Variants in QRICH2 observed in about 807,000 individuals in gnomAD.
The protein encoded by QRICH2 is glutamine-rich protein 2.
A neutral mutation model predicts 168.3 loss-of-function variants in QRICH2; 119 were observed. That is an observed-to-expected ratio of 0.71 (90% CI 0.61 to 0.82). QRICH2 has a LOEUF of 0.82. QRICH2 is among the 40% of genes least tolerant of loss of function. The probability of loss-of-function intolerance (pLI) is 0.00; values close to 1 mark genes in which losing one functional copy is unlikely to be tolerated. For synonymous variants in QRICH2, 894 were observed against 951.2 expected, an observed-to-expected ratio of 0.94 and a Z score of 1.11; for missense variants, 2,241 against 2,491.6, an observed-to-expected ratio of 0.90 and a Z score of 2.14.
At position 76,293,088 on chromosome 17, in the gene QRICH2, G is replaced by C. The variant is rs1296344414; in HGVS notation, c.1639C>G (p.Gln547Glu). 11 of 1,614,250 alleles carry C rather than the reference G, an allele frequency of 6.8e-6. No individual in the cohort carries two copies. Among genetic ancestry groups the C allele is most frequent in the Non-Finnish European group, 8.5e-6 (10 of 1,180,048 alleles). The change falls in exon 4 of 19, where the codon CAG becomes GAG. Residue 547 changes from glutamine (Q) to glutamate (E), a missense_variant. By Grantham distance (29) the Gln-to-Glu change is conservative. Coordinates refer to ENST00000680821, the MANE Select transcript of QRICH2 (RefSeq NM_001388453.1). ...AAACTGGGCTGCACAAAACCTTGCT[G>C]ATCTGCACTAATTGGCATCAAACCA... is the stretch of plus-strand genomic sequence containing the variant. ...SPGLMPISAD[Q>E]QGFVQPSLEA...
At chr17:76,290,911 A>G in intron 4 of QRICH2, 104 bp downstream of exon 4, 2 of 1,506,462 alleles carry the variant, frequency 1.3e-6, no homozygotes, top group Non-Finnish European at 1.8e-6. Flanking sequence ...TCAGGGACTC[A>G]GGGAGATGTG....
Position 76,293,351 on chromosome 17 carries a change from C to T in QRICH2, c.1376G>A (p.Ser459Asn). ...TGAAACCAGACCATGTTGGTCTGTG[C>T]TAGGTAGTTCCAATCCTTGCTGGTC... ...GRDQQGLELP[S>N]TDQHGLVSVS... The change falls in exon 4 of 19, where the codon AGC becomes AAC. Residue 459 changes from serine (S) to asparagine (N), a missense_variant. By Grantham distance (46) the Ser-to-Asn change is conservative. Coordinates refer to ENST00000680821, the MANE Select transcript of QRICH2 (RefSeq NM_001388453.1). The T allele has an allele frequency of 6.2e-7, 1 of 1,614,194 alleles. No homozygotes were observed. Among genetic ancestry groups the T allele is most frequent in the Non-Finnish European group, 8.5e-7 (1 of 1,180,042 alleles).
At chr17:76,285,357 C>A (rs1300710653) in intron 7 of QRICH2, among the ~76,000 whole-genome samples, 2 of 151,836 alleles carry the variant, frequency 1.3e-5, no homozygotes, top group East Asian at 3.9e-4. Context: ...TGGTCTCGAA[C>A]TCCTGACCTC....
Position 76,297,423 on chromosome 17 carries a change from C to A in QRICH2, c.706-3402G>T, listed in dbSNP as rs144061356. ...TCAGGAGGCTGAGGCAGGAGAATCG[C>A]TTGAACCCAGGAGGCGGAGATTGCA... On this transcript the variant is annotated intron_variant, in intron 3 of 18. Coordinates refer to ENST00000680821, the MANE Select transcript of QRICH2 (RefSeq NM_001388453.1). Among the ~76,000 whole-genome samples, 258 of 152,228 alleles carry A rather than the reference C, an allele frequency of 1.7e-3. 1 individual carries two copies. The highest frequency in any genetic ancestry group is 6.1e-3 in the African/African-American group (254 of 41,542).
chr17:76,308,404 G>T, upstream of QRICH2: 1 of 983,842 alleles, frequency 1.0e-6, no homozygotes, highest in Non-Finnish European at 1.2e-6. Flanking sequence ...ACGGGCTGAG[G>T]AGGCCTCCTA....
chr17:76,305,999 A>C (rs2143409756), intron 1 of QRICH2, among the ~76,000 whole-genome samples: 1 of 151,596 alleles, frequency 6.6e-6, no homozygotes, highest in South Asian at 2.1e-4. Flanking sequence ...GCAAAACCCC[A>C]TCTCTACTAA....
chr17:76,304,419 T>C lies in QRICH2; in HGVS notation c.701A>G (p.Gln234Arg), dbSNP rs1426891403. Residue 234 changes from glutamine (Q) to arginine (R), a missense_variant, in exon 3 of 19, where the codon CAA (glutamine) becomes CGA (arginine). Coordinates refer to ENST00000680821, the MANE Select transcript of QRICH2 (RefSeq NM_001388453.1). ...CCCAGGCCCCCACTGGTTCACCGCT[T>C]GTGAGGCTCTCCAGCCGTCCGTAAT... is the stretch of plus-strand genomic sequence containing the variant. ...QAITDGWRAS[Q>R]AGSETLMGFS... The C allele has an allele frequency of 1.9e-6, 3 of 1,610,986 alleles. No homozygotes were observed. The highest frequency in any genetic ancestry group is 2.5e-6 in the Non-Finnish European group (3 of 1,178,566).
At position 76,292,593 on chromosome 17, in the gene QRICH2, G is replaced by A. The variant is rs1484481930; in HGVS notation, c.2134C>T (p.Gln712Ter). The A allele has an allele frequency of 6.2e-7, 1 of 1,614,130 alleles. No individual in the cohort carries two copies. The highest frequency in any genetic ancestry group is 1.1e-5 in the South Asian group (1 of 91,078). The stretch of plus-strand genomic sequence containing the variant: ...AAATCACTCTGATCTGCACCAGATT[G>A]TACCAAACCATGCTGATCTGCACCA... ...QPGADQHGLV[Q>*]SGADQSDLAQ... The change falls in exon 4 of 19, where the codon CAA becomes TAA. Residue 712 changes from glutamine to a stop codon, truncating the protein, a stop_gained. Transcript: ENST00000680821. LOFTEE classifies it high-confidence loss of function.
chr17:76,303,641 C>T (rs955078963), intron 3 of QRICH2, among the ~76,000 whole-genome samples: 2 of 151,760 alleles, frequency 1.3e-5, no homozygotes, highest in African/African-American at 2.4e-5. Flanking sequence ...GAGGCCGAGG[C>T]GGGCGGATCA....
chr17:76,279,230 G>T, intron 13 of QRICH2, 88 bp from the exon 14 acceptor site: 3 of 1,346,996 alleles, frequency 2.2e-6, no homozygotes, highest in Non-Finnish European at 3.1e-6. Flanking sequence ...CTTCCCACCC[G>T]CCCCCGGCCT....
At chr17:76,306,182 A>AC (rs1323526074) in intron 1 of QRICH2, among the ~76,000 whole-genome samples, 3 of 150,724 alleles carry the variant, frequency 2.0e-5, no homozygotes, top group Non-Finnish European at 4.4e-5. Flanking sequence ...AAAAAAAAAA[A>AC]AAAAAAAAAA....
chr17:76,279,920 G>C lies in QRICH2; in HGVS notation c.4748+113C>G. 2.3e-6 allele frequency: 3 copies of C among 1,294,974 alleles called. No homozygotes were observed. In the South Asian group the frequency reaches 4.4e-5, roughly 19 times the overall value. 80.2% of individuals were successfully genotyped at this position (1,294,974 alleles called of 1,614,324 possible). Reference sequence around the variant, plus strand: ...GTCCCTCCAACCATGGGACAGTCCTGGGCAGGATCCGCTGTGTGCTGGCAG... The same window carrying C: ...GTCCCTCCAACCATGGGACAGTCCTCGGCAGGATCCGCTGTGTGCTGGCAG... On this transcript the variant is annotated intron_variant, in intron 12 of 18. Coordinates refer to ENST00000680821, the MANE Select transcript of QRICH2 (RefSeq NM_001388453.1).
At position 76,281,861 on chromosome 17, in the gene QRICH2, C is replaced by A; in HGVS notation, c.4263+3G>T. 6.2e-7 allele frequency: 1 copy of A among 1,612,420 alleles called. No individual in the cohort carries two copies. Among genetic ancestry groups the A allele is most frequent in the Non-Finnish European group, 8.5e-7 (1 of 1,179,172 alleles). The stretch of plus-strand genomic sequence containing the variant: ...AGCAGGAGGGAGGCGAGCAGAGCCC[C>A]ACCTGTCTCTGGAGCTTGGCCTTCT... On this transcript the variant is annotated splice_donor_region_variant and intron_variant, in intron 8 of 18. Coordinates refer to ENST00000680821, the MANE Select transcript of QRICH2 (RefSeq NM_001388453.1). The surrounding 1 kb of genome is among the most constrained non-coding windows in gnomAD (Gnocchi z 4.4).
intron 7 of QRICH2, among the ~76,000 whole-genome samples, chr17:76,286,490 A>T (rs2143232295): frequency 6.6e-6 from 1 of 152,298 alleles, no homozygotes. Flanking sequence ...TCAGGGGCTG[A>T]GGGACAGAAG....
In QRICH2 at chr17:76,277,318, G is replaced by T; in HGVS notation, c.5118-8C>A. 1 of 1,609,706 alleles carries T rather than the reference G, an allele frequency of 6.2e-7. No individual in the cohort carries two copies. The highest frequency in any genetic ancestry group is 1.1e-5 in the South Asian group (1 of 90,456). ...TCAGCCATATCTGTCACCCTGTGAT[G>T]AAGACAGGATGGAGTCATTGGGAGC... is the stretch of plus-strand genomic sequence containing the variant. On this transcript the variant is annotated splice_region_variant and splice_polypyrimidine_tract_variant and intron_variant, in intron 15 of 18. Coordinates refer to ENST00000680821, the MANE Select transcript of QRICH2 (RefSeq NM_001388453.1).
Position 76,292,166 on chromosome 17 carries a change from G to A in QRICH2, c.2561C>T (p.Pro854Leu). 4 of 1,495,862 alleles carry A rather than the reference G, an allele frequency of 2.7e-6. No individual in the cohort carries two copies. The highest frequency in any genetic ancestry group is 3.6e-6 in the Non-Finnish European group (4 of 1,108,664). The allele number at this position is 1,495,862 out of a possible 1,614,324, so 92.7% of individuals were successfully genotyped here. A position where few individuals can be genotyped will look rare whatever the true frequency, so the allele number is the denominator to read the frequency against. The change falls in exon 4 of 19, where the codon CCT becomes CTT. Residue 854 changes from proline to leucine, a missense_variant. By Grantham distance (98) the Pro-to-Leu change is moderately conservative. Around this residue, in one of 3 missense-constraint regions of QRICH2, gnomAD observed 2,047 missense variants for 2,303.8 expected, o/e 0.89. Coordinates refer to ENST00000680821, the MANE Select transcript of QRICH2 (RefSeq NM_001388453.1). ...PGAVQHGLVQPGADQRGLVQP... is the reference protein window; with the variant it reads ...PGAVQHGLVQLGADQRGLVQP... ...GACCAAACCACGCTGATCTGCACCA[G>A]GTTGGACCAAACCATGCTGAACTGC...
At chr17:76,299,458 C>T (rs2070859098) in intron 3 of QRICH2, among the ~76,000 whole-genome samples, 1 of 152,074 alleles carries the variant, frequency 6.6e-6, no homozygotes, top group Non-Finnish European at 1.5e-5. Context: ...CAAGAGGGGC[C>T]GGGCGCGGTG....
chr17:76,300,104 A>T (rs2070873946), intron 3 of QRICH2, among the ~76,000 whole-genome samples: 1 of 152,100 alleles, frequency 6.6e-6, no homozygotes, highest in Admixed American at 6.6e-5. Flanking sequence ...TGCTGGAATT[A>T]CAGGCGTGAG....
Position 76,307,418 on chromosome 17 carries a change from C to T in QRICH2, c.534+47G>A. 6.2e-7 allele frequency: 1 copy of T among 1,604,190 alleles called. No homozygotes were observed. Among genetic ancestry groups the T allele is most frequent in the Non-Finnish European group, 8.5e-7 (1 of 1,172,230 alleles). ...GGACTCGGCTAGGCCTGGAGGGCGG[C>T]CTGGAGGAGGCAGACGGCCTGCGCG... On this transcript the variant is annotated intron_variant, in intron 1 of 18. Transcript: ENST00000680821. This position sits in a 1 kb window ranked among gnomAD's most constrained non-coding sequence, Gnocchi z 5.3.
Sources: allele counts gnomAD v4.1 joint callset (sites outside exome capture counted in the v4.1 genomes callset), GRCh38; gene constraint gnomAD v4.1.1; regional missense constraint gnomAD v4.1.1; non-coding constraint Gnocchi (gnomAD v3.1); transcripts MANE v1.5; gene names NCBI Gene and HGNC (gene_info 2026-07-23, HGNC 2026-07-21).